AP3B1: variants seen among roughly 807,000 people sequenced by gnomAD.
AP3B1 encodes AP-3 complex subunit beta-1.
AP3B1 carries 61 observed loss-of-function variants against 132.5 expected under a neutral mutation model. The ratio of observed to expected loss-of-function variants is 0.46; its 90% CI spans 0.37 to 0.57. The LOEUF is 0.57. Among genes scored for constraint, AP3B1 ranks in the 20% least tolerant of loss-of-function variants. AP3B1 has a pLI of 0.00. For missense variants in AP3B1, 1,120 were observed against 1,289.4 expected, an observed-to-expected ratio of 0.87 and a Z score of 2.01; for synonymous variants, 388 against 438.3, an observed-to-expected ratio of 0.89 and a Z score of 1.43.
At chr5:78,171,550 T>C (rs559471180) in intron 11 of AP3B1, among the ~76,000 whole-genome samples, 2 of 152,274 alleles carry the variant, frequency 1.3e-5, no homozygotes, top group Admixed American at 1.3e-4. Flanking sequence ...CTGTTCTTGG[T>C]CTATAGGAAT....
At chr5:78,045,778 A>C (rs1748305231) in intron 22 of AP3B1, among the ~76,000 whole-genome samples, 1 of 152,244 alleles carries the variant, frequency 6.6e-6, no homozygotes. Flanking sequence ...ATAAAACATA[A>C]TTATAAAGTG....
intron 22 of AP3B1, among the ~76,000 whole-genome samples, chr5:78,069,210 GCTCT>G (rs1296216069): frequency 2.0e-5 from 3 of 152,206 alleles, no homozygotes; most frequent in Admixed American, 6.5e-5. Context: ...AGACAAGGAT[GCTCT>G]CTCTCACCAC....
chr5:78,100,357 T>C (rs1341765722), intron 21 of AP3B1, among the ~76,000 whole-genome samples: 1 of 152,206 alleles, frequency 6.6e-6, no homozygotes, highest in African/African-American at 2.4e-5. Flanking sequence ...TCTCTCACTA[T>C]GCAGGAGGAT....
At chr5:78,101,686 T>G (rs2112234639) in intron 20 of AP3B1, among the ~76,000 whole-genome samples, 1 of 152,226 alleles carries the variant, frequency 6.6e-6, no homozygotes, top group East Asian at 1.9e-4. Flanking sequence ...AGAGATTTGC[T>G]TATTCGGTCT....
At chr5:78,030,931 T>A (rs548564007) in intron 24 of AP3B1, among the ~76,000 whole-genome samples, 1 of 152,316 alleles carries the variant, frequency 6.6e-6, no homozygotes, top group East Asian at 1.9e-4. Flanking sequence ...TCTCCCGCTT[T>A]GGCCTCCCAA....
chr5:78,272,705 G>C (rs973755231), intron 1 of AP3B1, among the ~76,000 whole-genome samples: 2 of 152,210 alleles, frequency 1.3e-5, no homozygotes, highest in Non-Finnish European at 2.9e-5. Context: ...AGCACAGTTT[G>C]AGTAAATTTT....
At chr5:78,106,242 G>T (rs1414335568) in intron 20 of AP3B1, among the ~76,000 whole-genome samples, 2 of 152,116 alleles carry the variant, frequency 1.3e-5, no homozygotes, top group South Asian at 2.1e-4. Context: ...TGGATCGCTT[G>T]AGCCCAGGAG....
At chr5:78,169,767 A>T (rs1027523439) in intron 11 of AP3B1, among the ~76,000 whole-genome samples, 2 of 146,908 alleles carry the variant, frequency 1.4e-5, no homozygotes, top group African/African-American at 5.2e-5. Context: ...ATTTATTTAT[A>T]TTATTATACA....
chr5:78,003,218 C>G (rs1746257193), intron 26 of AP3B1, 163 bp from the exon 27 acceptor site: 1 of 829,194 alleles, frequency 1.2e-6, no homozygotes. Flanking sequence ...TCTGAAAAAT[C>G]AATAAACTGT....
intron 7 of AP3B1, among the ~76,000 whole-genome samples, chr5:78,186,331 A>G (rs1744604520): frequency 6.6e-6 from 1 of 152,250 alleles, no homozygotes; most frequent in Non-Finnish European, 1.5e-5. Context: ...ATAATCTACA[A>G]TGAAGGTTAT....
At chr5:78,245,240 A>G (rs985000710) in intron 2 of AP3B1, among the ~76,000 whole-genome samples, 1 of 152,194 alleles carries the variant, frequency 6.6e-6, no homozygotes, top group African/African-American at 2.4e-5. Flanking sequence ...AGTGAAAGGG[A>G]GGCAATGCGT....
Position 78,133,198 on chromosome 5 carries a change from C to G in AP3B1, c.1651-3891G>C, listed in dbSNP as rs191636975. Among the ~76,000 whole-genome samples, 6 of 152,294 alleles carry G rather than the reference C, an allele frequency of 3.9e-5. 1 individual carries two copies. The highest frequency in any genetic ancestry group is 3.9e-4 in the Admixed American group (6 of 15,294). ...GCATTGTTAAATACTCATCTCTCCA[C>G]CTCCAGCAAAGCAAAAGACAGCTTT... On this transcript the variant is annotated intron_variant, in intron 15 of 26. Coordinates refer to ENST00000255194, the MANE Select transcript of AP3B1 (RefSeq NM_003664.5).
At chr5:78,148,178 T>A (rs1170961085) in intron 14 of AP3B1, among the ~76,000 whole-genome samples, 1 of 152,198 alleles carries the variant, frequency 6.6e-6, no homozygotes, top group Non-Finnish European at 1.5e-5. Flanking sequence ...ACAGGCCTCA[T>A]ACACTGTTAC....
intron 24 of AP3B1, among the ~76,000 whole-genome samples, chr5:78,028,322 T>C (rs1580256480): frequency 6.6e-6 from 1 of 151,292 alleles, no homozygotes; most frequent in East Asian, 1.9e-4. Flanking sequence ...TAGTCGGGCA[T>C]GGTGGTGCGT....
At chr5:78,290,735 G>C (rs1379596342) in intron 1 of AP3B1, among the ~76,000 whole-genome samples, 1 of 152,122 alleles carries the variant, frequency 6.6e-6, no homozygotes, top group Non-Finnish European at 1.5e-5. Context: ...GATTGCTTGA[G>C]CCTAGGAGTT....
intron 17 of AP3B1, among the ~76,000 whole-genome samples, chr5:78,125,332 C>A (rs1180090745): frequency 6.6e-6 from 1 of 151,962 alleles, no homozygotes; most frequent in Non-Finnish European, 1.5e-5. Context: ...TGACTAGGTT[C>A]CCAGTCATTT....
intron 22 of AP3B1, among the ~76,000 whole-genome samples, chr5:78,058,121 T>C (rs1379748094): frequency 1.3e-5 from 2 of 152,206 alleles, no homozygotes; most frequent in African/African-American, 4.8e-5. Context: ...AAATAAATAT[T>C]TTAAAATATT....
At chr5:78,133,446 G>A (rs929249591) in intron 15 of AP3B1, among the ~76,000 whole-genome samples, 4 of 152,126 alleles carry the variant, frequency 2.6e-5, no homozygotes, top group South Asian at 4.1e-4. Flanking sequence ...ACCTCAAAGC[G>A]GAGGTCTACA....
At chr5:78,285,275 ATTC>A (rs1170064395) in intron 1 of AP3B1, among the ~76,000 whole-genome samples, 2 of 151,486 alleles carry the variant, frequency 1.3e-5, no homozygotes, top group Non-Finnish European at 1.5e-5. Context: ...ACTAACCACA[ATTC>A]TTCTTCTTCC....
Sources: gnomAD v4.1 joint callset for allele counts (sites outside exome capture counted in the v4.1 genomes callset) on GRCh38, gnomAD v4.1.1 for gene constraint, MANE v1.5 for transcripts, NCBI Gene and HGNC (gene_info 2026-07-23, HGNC 2026-07-21) for gene names.